The following NASP variants were observed in gnomAD, a reference collection of about 807,000 sequenced individuals.
NASP encodes the protein NASP histone chaperone.
In NASP, 24 loss-of-function variants were observed where a neutral mutation model predicts 89.5. The observed-to-expected ratio is 0.27, with a 90% CI of 0.19 to 0.38. NASP has a LOEUF of 0.38. NASP is among the 10% of genes least tolerant of loss of function. The pLI is 1.00. For synonymous variants in NASP, 306 were observed against 324.7 expected (o/e 0.94, Z 0.62); for missense variants, 848 against 921.4 (o/e 0.92, Z 1.03).
At chr1:45,590,106 G>C (rs1024518283) in intron 1 of NASP, among the ~76,000 whole-genome samples, 5 of 152,116 alleles carry the variant, frequency 3.3e-5, no homozygotes, top group African/African-American at 9.7e-5. Flanking sequence ...AGCTCAAACT[G>C]TTATAACCGT....
intron 1 of NASP, among the ~76,000 whole-genome samples, chr1:45,589,554 C>T (rs1236895192): frequency 6.6e-6 from 1 of 152,062 alleles, no homozygotes; most frequent in Non-Finnish European, 1.5e-5. Flanking sequence ...ACTATGAAGC[C>T]ATAGCTTCAT....
At chr1:45,614,599 C>T (rs749253176) in intron 9 of NASP, among the ~76,000 whole-genome samples, 8 of 152,078 alleles carry the variant, frequency 5.3e-5, no homozygotes, top group East Asian at 1.9e-4. Context: ...AGTGCAATGG[C>T]GTAATCTCGG....
chr1:45,606,268 A>G (rs915391283), intron 4 of NASP, among the ~76,000 whole-genome samples: 1 of 152,182 alleles, frequency 6.6e-6, no homozygotes, highest in Admixed American at 6.6e-5. Flanking sequence ...AGGCGGCTGG[A>G]TGGAGGAATA....
intron 2 of NASP, among the ~76,000 whole-genome samples, chr1:45,598,508 C>G (rs1008478120): frequency 2.0e-5 from 3 of 152,170 alleles, no homozygotes; most frequent in Non-Finnish European, 4.4e-5. Flanking sequence ...GCTCCCAGGG[C>G]TCAGTCAGTC....
intron 1 of NASP, among the ~76,000 whole-genome samples, chr1:45,586,273 T>TGTGTGTGTGTGTGTGTG: frequency 1.7e-5 from 1 of 58,688 alleles, no homozygotes. Flanking sequence ...TGTGTGTGTG[T>TGTGTGTGTGTGTGTGTG]GTGTGTGTGT....
Position 45,618,692 on chromosome 1 carries a change from G to GA in NASP, c.*555dup, listed in dbSNP as rs1288337412. 1 of 153,932 alleles carries GA rather than the reference G, an allele frequency of 6.5e-6. No homozygotes were observed. Among genetic ancestry groups the GA allele is most frequent in the African/African-American group, 2.4e-5 (1 of 41,446 alleles). The allele number at this position is 153,932 out of a possible 1,614,324, so 9.5% of individuals were successfully genotyped here. On this transcript the variant is annotated 3_prime_UTR_variant, in exon 15 of 15. Transcript: ENST00000350030. The stretch of plus-strand genomic sequence containing the variant: ...CTGGGTCAGGGGAATGATTCCTAAG[G>GA]AAAACGGTCTGCATTTGAGCTCTGG...
chr1:45,616,062 A>G (rs545833192), intron 11 of NASP, among the ~76,000 whole-genome samples: 48 of 152,330 alleles, frequency 3.2e-4, no homozygotes, highest in African/African-American at 1.1e-3. Flanking sequence ...GGCATTCACC[A>G]CAAATTGCCT....
intron 2 of NASP, among the ~76,000 whole-genome samples, chr1:45,594,038 A>G (rs904312042): frequency 6.6e-6 from 1 of 151,706 alleles, no homozygotes; most frequent in African/African-American, 2.4e-5. Flanking sequence ...CCAAAAAAAA[A>G]AGGAAAGAAA....
Position 45,614,309 on chromosome 1 carries a change from G to C in NASP, c.1609G>C (p.Ala537Pro). The C allele has an allele frequency of 6.2e-7, 1 of 1,613,850 alleles. No homozygotes were observed. Among genetic ancestry groups the C allele is most frequent in the Non-Finnish European group, 8.5e-7 (1 of 1,179,838 alleles). ...IIFKRQETKE[A>P]QLYAAQAHLK... ...TTCTTTTAGGCAAGAAACAAAAGAA[G>C]CACAGCTTTATGCTGCCCAGGCACA... The change falls in exon 9 of 15, where the codon GCA becomes CCA. Residue 537 changes from alanine (A) to proline (P), a missense_variant. Physicochemically the swap from Ala to Pro is conservative, Grantham distance 27. This residue lies in a region of NASP where 60 missense variants were observed against 114.6 expected (regional missense o/e 0.52). Coordinates refer to ENST00000350030, the MANE Select transcript of NASP (RefSeq NM_002482.4).
At chr1:45,613,048 C>G in intron 6 of NASP, 121 bp from the exon 7 acceptor site, 1 of 1,357,696 alleles carries the variant, frequency 7.4e-7, no homozygotes, top group Non-Finnish European at 9.7e-7. Context: ...GGTGTTAACT[C>G]ACTTGGATTA....
At chr1:45,607,228 A>G (rs769689204) in intron 5 of NASP, 93 bp from the exon 6 acceptor site, 43 of 1,301,148 alleles carry the variant, frequency 3.3e-5, no homozygotes, top group Non-Finnish European at 4.3e-5. Context: ...AGGCTTTTTG[A>G]GGGTTTAAAG....
At chr1:45,595,837 AT>A (rs1284709738) in intron 2 of NASP, among the ~76,000 whole-genome samples, 2 of 152,232 alleles carry the variant, frequency 1.3e-5, no homozygotes, top group Non-Finnish European at 2.9e-5. Flanking sequence ...CAAAATAGGA[AT>A]TATGGATGGA....
intron 2 of NASP, among the ~76,000 whole-genome samples, chr1:45,596,032 C>T (rs942234383): frequency 2.6e-5 from 4 of 152,174 alleles, no homozygotes; most frequent in African/African-American, 9.6e-5. Context: ...AGACTTGATA[C>T]TTAGCAGATG....
chr1:45,590,979 C>CT (rs1487021663), intron 1 of NASP, among the ~76,000 whole-genome samples: 4 of 152,212 alleles, frequency 2.6e-5, no homozygotes, highest in African/African-American at 9.6e-5. Context: ...AAGCACTGCC[C>CT]TTTAAGTTGT....
intron 3 of NASP, among the ~76,000 whole-genome samples, chr1:45,603,259 C>T (rs540079714): frequency 6.6e-6 from 1 of 152,094 alleles, no homozygotes; most frequent in Non-Finnish European, 1.5e-5. Flanking sequence ...TGGTCTATGG[C>T]GAGGTTTGAG....
chr1:45,618,093 G>T lies in NASP; in HGVS notation c.2319G>T (p.Val773=). 1 of 1,604,152 alleles carries T rather than the reference G, an allele frequency of 6.2e-7. No homozygotes were observed. The change falls in exon 15 of 15, where the codon GTG becomes GTT. Residue 773 remains valine, a synonymous_variant. Transcript: ENST00000350030. ...AENQAESRAA[V]EGTVEAGATV... ...ATCAGGCTGAAAGCCGGGCAGCAGT[G>T]GAGGGGACAGTGGAGGCTGGAGCTA...
At chr1:45,612,801 AC>A (rs745971163) in intron 6 of NASP, 4 of 167,040 alleles carry the variant, frequency 2.4e-5, no homozygotes, top group Non-Finnish European at 5.1e-5. Flanking sequence ...GCTTAAAGAT[AC>A]CAGAAACACT....
intron 2 of NASP, among the ~76,000 whole-genome samples, chr1:45,599,080 C>T (rs908290146): frequency 4.6e-5 from 7 of 152,122 alleles, no homozygotes; most frequent in African/African-American, 1.7e-4. Flanking sequence ...TAGATTTTTA[C>T]GGTTTCTTTC....
Position 45,617,341 on chromosome 1 carries a change from C to T in NASP, c.2158-122C>T, listed in dbSNP as rs1644123916. On this transcript the variant is annotated intron_variant, in intron 13 of 14. Transcript: ENST00000350030. ...TCTGCCTGTGGCTAGGGAGAGAGAC[C>T]CTTAGAGCTGTGAATCCTGATGTTC... 20 of 1,178,576 alleles carry T rather than the reference C, an allele frequency of 1.7e-5. No individual in the cohort carries two copies. In the South Asian group the frequency reaches 2.5e-4, roughly 15 times the overall value. 73.0% of individuals were successfully genotyped at this position (1,178,576 alleles called of 1,614,324 possible).
Sources: allele counts gnomAD v4.1 joint callset (sites outside exome capture counted in the v4.1 genomes callset), GRCh38; gene constraint gnomAD v4.1.1; regional missense constraint gnomAD v4.1.1; transcripts MANE v1.5; gene names NCBI Gene and HGNC (gene_info 2026-07-23, HGNC 2026-07-21).